ADAM11: variants seen among roughly 807,000 people sequenced by gnomAD.
ADAM11 encodes the protein ADAM metallopeptidase domain 11.
A neutral mutation model predicts 119.1 loss-of-function variants in ADAM11; 49 were observed. The ratio of observed to expected loss-of-function variants is 0.41; its 90% CI spans 0.33 to 0.52. The LOEUF is 0.52. Among genes scored for constraint, ADAM11 ranks in the 20% least tolerant of loss-of-function variants. The pLI, the probability that ADAM11 is intolerant of heterozygous loss-of-function variation, is 0.20. For missense variants in ADAM11, 777 were observed against 1,047.5 expected, an observed-to-expected ratio of 0.74 and a Z score of 3.56; for synonymous variants, 364 against 408.0, an observed-to-expected ratio of 0.89 and a Z score of 1.30.
In ADAM11 at chr17:44,775,581, C is replaced by A; in HGVS notation, c.1393-3C>A. ...CTCCTTCCCCTCCTCCCGCGTCCCT[C>A]AGGAGTGCAGCCGCGCAGGTGGCAA... On this transcript the variant is annotated splice_polypyrimidine_tract_variant and splice_region_variant and intron_variant, in intron 16 of 26. Transcript: ENST00000200557. The surrounding 1 kb of genome is among the most constrained non-coding windows in gnomAD (Gnocchi z 7.5). The A allele has an allele frequency of 6.4e-7, 1 of 1,570,662 alleles. No homozygotes were observed. The highest frequency in any genetic ancestry group is 8.6e-7 in the Non-Finnish European group (1 of 1,159,888).
Position 44,770,848 on chromosome 17 carries a change from G to A in ADAM11, c.382-736G>A, listed in dbSNP as rs542570579. Reference sequence around the variant, plus strand: ...AAATGGCTAAGAACCCTTGCTGTACGCTGGGCTCCTATAATCCCATCACTG... The same window carrying A: ...AAATGGCTAAGAACCCTTGCTGTACACTGGGCTCCTATAATCCCATCACTG... On this transcript the variant is annotated intron_variant, in intron 4 of 26. Coordinates refer to ENST00000200557, the MANE Select transcript of ADAM11 (RefSeq NM_002390.6). Among the ~76,000 whole-genome samples, 6 of 152,304 alleles carry A rather than the reference G, an allele frequency of 3.9e-5. No homozygotes were observed. In the South Asian group the frequency reaches 6.2e-4, roughly 16 times the overall value.
chr17:44,769,848 T>C, intron 3 of ADAM11, 54 bp downstream of exon 3: 1 of 1,519,166 alleles, frequency 6.6e-7, no homozygotes. Context: ...GGGGGAGACA[T>C]GGCTAGGGCC....
chr17:44,759,386 G>A (rs943445448), intron 1 of ADAM11, 126 bp downstream of exon 1: 3 of 1,263,976 alleles, frequency 2.4e-6, no homozygotes, highest in East Asian at 6.3e-5. Flanking sequence ...GCGCGGGAGG[G>A]TAGGGGAGCG....
chr17:44,765,610 CTTTTTTTTTT>C (rs748123040), intron 2 of ADAM11, among the ~76,000 whole-genome samples: 4 of 99,870 alleles, frequency 4.0e-5, no homozygotes, highest in South Asian at 3.3e-4. Context: ...TTTCTTTTCT[CTTTTTTTTTT>C]TTTTTTTTTT....
At position 44,780,275 on chromosome 17, in the gene ADAM11, G is replaced by C; in HGVS notation, c.*521G>C. 3 of 412,378 alleles carry C rather than the reference G, an allele frequency of 7.3e-6. No homozygotes were observed. Among genetic ancestry groups the C allele is most frequent in the Non-Finnish European group, 1.4e-5 (3 of 211,998 alleles). The allele number at this position is 412,378 out of a possible 1,614,324, so 25.5% of individuals were successfully genotyped here. A position where few individuals can be genotyped will look rare whatever the true frequency, so the allele number is the denominator to read the frequency against. ...TGGGGATGTTTTGACATTTACAGGAGGGCCCGGAGAAACTGAGGTATGGCC... is the reference window on the plus strand; with the variant it reads ...TGGGGATGTTTTGACATTTACAGGACGGCCCGGAGAAACTGAGGTATGGCC... On this transcript the variant is annotated 3_prime_UTR_variant, in exon 27 of 27. Transcript: ENST00000200557.
At position 44,773,706 on chromosome 17, in the gene ADAM11, G is replaced by A. The variant is rs79592537; in HGVS notation, c.992+279G>A. On this transcript the variant is annotated intron_variant, in intron 11 of 26. Coordinates refer to ENST00000200557, the MANE Select transcript of ADAM11 (RefSeq NM_002390.6). This position sits in a 1 kb window ranked among gnomAD's most constrained non-coding sequence, Gnocchi z 4.6. ...AACTGTCCCAGCATCCCTTCCTCAG[G>A]GACCCAGTGCCCTAGTAGGGAAAAA... Among the ~76,000 whole-genome samples, 3,343 of 152,142 alleles carry A rather than the reference G, an allele frequency of 0.022. 52 individuals carry two copies. The highest frequency in any genetic ancestry group is 0.036 in the Non-Finnish European group (2,477 of 68,012).
chr17:44,779,990 A>T lies in ADAM11; in HGVS notation c.*236A>T, dbSNP rs906018611. On this transcript the variant is annotated 3_prime_UTR_variant, in exon 27 of 27. Coordinates refer to ENST00000200557, the MANE Select transcript of ADAM11 (RefSeq NM_002390.6). ...GTCCCCCACCCACCTCCTGCGGCTCAGCCTTGCACACCCACTGCCCCGTGT... is the reference window on the plus strand; with the variant it reads ...GTCCCCCACCCACCTCCTGCGGCTCTGCCTTGCACACCCACTGCCCCGTGT... 1 of 710,036 alleles carries T rather than the reference A, an allele frequency of 1.4e-6. No homozygotes were observed. The highest frequency in any genetic ancestry group is 1.7e-5 in the African/African-American group (1 of 57,380). The allele number at this position is 710,036 out of a possible 1,614,324, so 44.0% of individuals were successfully genotyped here.
Position 44,773,303 on chromosome 17 carries a change from A to C in ADAM11, c.868A>C (p.Met290Leu). Residue 290 changes from methionine to leucine, a missense_variant, in exon 11 of 27, where the codon ATG (methionine) becomes CTG (leucine). By Grantham distance (15) the Met-to-Leu change is conservative. Transcript: ENST00000200557. The surrounding 1 kb of genome is among the most constrained non-coding windows in gnomAD (Gnocchi z 4.6). ...QLNTRIVLVA[M>L]ETWADGDKIQ... ...CAACACTCGCATCGTCCTGGTTGCC[A>C]TGGAAACATGGGCAGATGGGGACAA... 1 of 1,613,490 alleles carries C rather than the reference A, an allele frequency of 6.2e-7. No individual in the cohort carries two copies. Among genetic ancestry groups the C allele is most frequent in the Admixed American group, 1.7e-5 (1 of 59,970 alleles).
intron 2 of ADAM11, among the ~76,000 whole-genome samples, chr17:44,769,372 C>A (rs2049489154): frequency 6.6e-6 from 1 of 152,234 alleles, no homozygotes; most frequent in South Asian, 2.1e-4. Context: ...GTGCCCCTCA[C>A]CAGCCAGGAG....
Position 44,777,135 on chromosome 17 carries a change from CGTGG to C in ADAM11, c.1682-29_1682-26del. 1 of 1,576,388 alleles carries C rather than the reference CGTGG, an allele frequency of 6.3e-7. No individual in the cohort carries two copies. The highest frequency in any genetic ancestry group is 1.2e-5 in the South Asian group (1 of 86,148). ...AGGTCTTGGGGTGGGTCCTGGGGCGCGTGGGGTCACTTGGCATCCTCTCCCCACA... is the reference window on the plus strand; with the variant it reads ...AGGTCTTGGGGTGGGTCCTGGGGCGCGGTCACTTGGCATCCTCTCCCCACA... On this transcript the variant is annotated intron_variant, in intron 20 of 26. Coordinates refer to ENST00000200557, the MANE Select transcript of ADAM11 (RefSeq NM_002390.6). This position sits in a 1 kb window ranked among gnomAD's most constrained non-coding sequence, Gnocchi z 5.1.
Position 44,773,536 on chromosome 17 carries a change from G to C in ADAM11, c.992+109G>C. On this transcript the variant is annotated intron_variant, in intron 11 of 26. Transcript: ENST00000200557. This position sits in a 1 kb window ranked among gnomAD's most constrained non-coding sequence, Gnocchi z 4.6. ...CTGCTCCTCTCAGAGTCTGGGGACT[G>C]GGCTCACCTTGCACCTGCCACCTAC... The C allele has an allele frequency of 7.3e-7, 1 of 1,378,376 alleles. No individual in the cohort carries two copies. Among genetic ancestry groups the C allele is most frequent in the Non-Finnish European group, 9.7e-7 (1 of 1,029,734 alleles). The allele number at this position is 1,378,376 out of a possible 1,614,324, so 85.4% of individuals were successfully genotyped here.
Position 44,777,452 on chromosome 17 carries a change from G to C in ADAM11, c.1782-30G>C. 6.2e-7 allele frequency: 1 copy of C among 1,609,688 alleles called. No homozygotes were observed. The highest frequency in any genetic ancestry group is 1.7e-5 in the Admixed American group (1 of 59,972). On this transcript the variant is annotated intron_variant, in intron 21 of 26. Transcript: ENST00000200557. This position sits in a 1 kb window ranked among gnomAD's most constrained non-coding sequence, Gnocchi z 5.1. The stretch of plus-strand genomic sequence containing the variant: ...AGTAGTTGAGTCTGAGGTCAAACTT[G>C]GGGCTCACTGTCTCTATATGCCCCA...
rs974717778 is a variant in ADAM11 at position 44,775,727 on chromosome 17, G to C, written c.1485+51G>C. ...GGCCAGGACGCAGGAGGAGCGATTG[G>C]AGGCCTTCATATAAGGGGTGGGAGC... On this transcript the variant is annotated intron_variant, in intron 17 of 26. Transcript: ENST00000200557. This position sits in a 1 kb window ranked among gnomAD's most constrained non-coding sequence, Gnocchi z 7.5. The C allele has an allele frequency of 2.2e-5, 33 of 1,524,488 alleles. No homozygotes were observed. Among genetic ancestry groups the C allele is most frequent in the Non-Finnish European group, 2.7e-5 (31 of 1,135,526 alleles). 94.4% of individuals were successfully genotyped at this position (1,524,488 alleles called of 1,614,324 possible).
chr17:44,776,798 A>G lies in ADAM11; in HGVS notation c.1617+3A>G. The G allele has an allele frequency of 6.2e-7, 1 of 1,614,162 alleles. No individual in the cohort carries two copies. The highest frequency in any genetic ancestry group is 8.5e-7 in the Non-Finnish European group (1 of 1,180,020). ...GTTACTACTGTGACCATGAGCAGGT[A>G]TGATGGCTGCCCCCTGAGCCTGGGA... On this transcript the variant is annotated splice_donor_region_variant and intron_variant, in intron 19 of 26. Coordinates refer to ENST00000200557, the MANE Select transcript of ADAM11 (RefSeq NM_002390.6). The surrounding 1 kb of genome is among the most constrained non-coding windows in gnomAD (Gnocchi z 5.2).
Position 44,772,290 on chromosome 17 carries a change from C to T in ADAM11, c.567C>T (p.Tyr189=). Residue 189 remains tyrosine, a synonymous_variant, in exon 7 of 27, where the codon TAC becomes TAT. Transcript: ENST00000200557. The surrounding 1 kb of genome is among the most constrained non-coding windows in gnomAD (Gnocchi z 4.5). The part of the protein sequence containing the change: ...APQGPLPHLI[Y]RTPLLPDPLG... The stretch of plus-strand genomic sequence containing the variant: ...AGGGACCCCTTCCCCACCTCATTTA[C>T]CGGACCCCTCTCCTCCCAGATCCCC... 6.2e-7 allele frequency: 1 copy of T among 1,608,468 alleles called. No individual in the cohort carries two copies. The highest frequency in any genetic ancestry group is 8.5e-7 in the Non-Finnish European group (1 of 1,177,238).
In ADAM11 at chr17:44,775,150, T is replaced by C; in HGVS notation, c.1221-62T>C. On this transcript the variant is annotated intron_variant, in intron 14 of 26. Transcript: ENST00000200557. The surrounding 1 kb of genome is among the most constrained non-coding windows in gnomAD (Gnocchi z 7.5). ...CCCCAGTGTACCCCCTCCCCAGCCT[T>C]GAGAGGGGTGAGGGTGGGTTGGAGG... The C allele has an allele frequency of 7.2e-7, 1 of 1,381,074 alleles. No homozygotes were observed. Among genetic ancestry groups the C allele is most frequent in the African/African-American group, 1.4e-5 (1 of 70,556 alleles). 85.6% of individuals were successfully genotyped at this position (1,381,074 alleles called of 1,614,324 possible). A position where few individuals can be genotyped will look rare whatever the true frequency, so the allele number is the denominator to read the frequency against.
intron 24 of ADAM11, 42 bp downstream of exon 24, chr17:44,778,108 C>G (rs553248443): frequency 4.3e-6 from 7 of 1,611,880 alleles, no homozygotes; most frequent in Admixed American, 1.7e-5. Flanking sequence ...CTGTCCTGCT[C>G]TCTATGCCTG....
chr17:44,768,606 G>C (rs1366605267), intron 2 of ADAM11, among the ~76,000 whole-genome samples: 3 of 152,170 alleles, frequency 2.0e-5, no homozygotes, highest in Admixed American at 2.0e-4. Context: ...AGATCAAACA[G>C]GGCAATACTC....
chr17:44,778,301 A>G (rs900935061), intron 25 of ADAM11, 59 bp downstream of exon 25: 7 of 1,520,328 alleles, frequency 4.6e-6, no homozygotes, highest in Non-Finnish European at 5.3e-6. Flanking sequence ...CAGAATCCCT[A>G]CTGGTGGAGC....
Sources: gnomAD v4.1 joint callset for allele counts (sites outside exome capture counted in the v4.1 genomes callset) on GRCh38, gnomAD v4.1.1 for gene constraint, Gnocchi (gnomAD v3.1) non-coding constraint, MANE v1.5 for transcripts, NCBI Gene and HGNC (gene_info 2026-07-23, HGNC 2026-07-21) for gene names.